The following TMEM59L variants were observed in gnomAD, a reference collection of about 807,000 sequenced individuals.
The protein encoded by TMEM59L is transmembrane protein 59 like, also known as transmembrane protein 59-like.
A neutral mutation model predicts 39.6 loss-of-function variants in TMEM59L; 31 were observed. That is an observed-to-expected ratio of 0.78 (90% CI 0.59 to 1.06). The LOEUF is 1.06. Among genes scored for constraint, TMEM59L ranks in the 50% least tolerant of loss-of-function variants. The pLI is 0.00. For missense variants in TMEM59L, 441 were observed against 451.3 expected, an observed-to-expected ratio of 0.98 and a Z score of 0.21; for synonymous variants, 219 against 202.9, an observed-to-expected ratio of 1.08 and a Z score of -0.68.
chr19:18,613,022 G>A lies in TMEM59L; in HGVS notation c.64G>A (p.Ala22Thr). 1.4e-6 allele frequency: 2 copies of A among 1,386,132 alleles called. No homozygotes were observed. Among genetic ancestry groups the A allele is most frequent in the Non-Finnish European group, 9.3e-7 (1 of 1,071,552 alleles). The allele number at this position is 1,386,132 out of a possible 1,614,324, so 85.9% of individuals were successfully genotyped here. A position where few individuals can be genotyped will look rare whatever the true frequency, so the allele number is the denominator to read the frequency against. Residue 22 changes from alanine to threonine, a missense_variant, in exon 1 of 8, where the codon GCC becomes ACC. Physicochemically the swap from Ala to Thr is moderately conservative, Grantham distance 58. Coordinates refer to ENST00000262817, the MANE Select transcript of TMEM59L (RefSeq NM_012109.3). ...LLLLLLASPP[A>T]ASAPSARDPF... ...GCTGCTGCTGTTGGCGTCGCCGCCCGCCGCCTCCGCGCCGTCCGCCCGCGA... is the reference window on the plus strand; with the variant it reads ...GCTGCTGCTGTTGGCGTCGCCGCCCACCGCCTCCGCGCCGTCCGCCCGCGA...
intron 7 of TMEM59L, among the ~76,000 whole-genome samples, chr19:18,619,183 G>A (rs1473142143): frequency 6.6e-6 from 1 of 150,560 alleles, no homozygotes; most frequent in South Asian, 2.1e-4. Context: ...GTAGAGATGG[G>A]GACTATGTTG....
At chr19:18,620,320 ACAAT>A (rs1976481330) in intron 7 of TMEM59L, 84 bp from the exon 8 acceptor site, 1 of 1,336,702 alleles carries the variant, frequency 7.5e-7, no homozygotes, top group East Asian at 2.4e-5. Context: ...AAAAAATAAA[ACAAT>A]CAGAGGTGGG....
chr19:18,620,694 T>A lies in TMEM59L; in HGVS notation c.*158T>A. 8.7e-7 allele frequency: 1 copy of A among 1,155,972 alleles called. No homozygotes were observed. Among genetic ancestry groups the A allele is most frequent in the Non-Finnish European group, 1.2e-6 (1 of 864,256 alleles). The allele number at this position is 1,155,972 out of a possible 1,614,324, so 71.6% of individuals were successfully genotyped here. ...TCCCACCCCTTGCCCCACGGAGTCC[T>A]GGGGACGCAGTGCCCCAGCTGGGAA... On this transcript the variant is annotated 3_prime_UTR_variant, in exon 8 of 8. Coordinates refer to ENST00000262817, the MANE Select transcript of TMEM59L (RefSeq NM_012109.3).
rs894172356 is a variant in TMEM59L at position 18,612,970 on chromosome 19, G to A, written c.12G>A (p.Val4=). 65 of 1,333,720 alleles carry A rather than the reference G, an allele frequency of 4.9e-5. No individual in the cohort carries two copies. In the African/African-American group the frequency reaches 9.2e-4, roughly 19 times the overall value. The allele number at this position is 1,333,720 out of a possible 1,614,324, so 82.6% of individuals were successfully genotyped here. MAA[V]ALMPPPLLLL... is the part of the protein sequence containing the mutation. ...CGTTCCGCCCGGCCATGGCTGCGGT[G>A]GCGCTGATGCCACCGCCGCTGCTGC... The change falls in exon 1 of 8, where the codon GTG becomes GTA. Residue 4 remains valine (V), a synonymous_variant. Coordinates refer to ENST00000262817, the MANE Select transcript of TMEM59L (RefSeq NM_012109.3). This position sits in a 1 kb window ranked among gnomAD's most constrained non-coding sequence, Gnocchi z 6.2.
In TMEM59L at chr19:18,618,266, T is replaced by C. The variant is rs769254521; in HGVS notation, c.776T>C (p.Met259Thr). ...CAGGACAATGACTTCCTCAGTTGCA[T>C]GTCCCGGTGGGTGGCAGGACCTTGG... ...EPQDNDFLSC[M>T]SRRSGLPRWI... The change falls in exon 6 of 8, where the codon ATG (methionine) becomes ACG (threonine). Residue 259 changes from methionine to threonine, a missense_variant. Met to Thr is a moderately conservative substitution (Grantham distance 81). Coordinates refer to ENST00000262817, the MANE Select transcript of TMEM59L (RefSeq NM_012109.3). 1 of 1,152,428 alleles carries C rather than the reference T, an allele frequency of 8.7e-7. No individual in the cohort carries two copies. Among genetic ancestry groups the C allele is most frequent in the Non-Finnish European group, 1.2e-6 (1 of 842,046 alleles). The allele number at this position is 1,152,428 out of a possible 1,614,324, so 71.4% of individuals were successfully genotyped here.
intron 7 of TMEM59L, among the ~76,000 whole-genome samples, chr19:18,619,489 G>A (rs988633938): frequency 3.3e-5 from 5 of 152,138 alleles, no homozygotes; most frequent in Admixed American, 3.3e-4. Flanking sequence ...GTGAAACCTT[G>A]TCACTACAAA....
At chr19:18,619,803 CAAAAAAA>C (rs1157288604) in intron 7 of TMEM59L, among the ~76,000 whole-genome samples, 3 of 78,986 alleles carry the variant, frequency 3.8e-5, no homozygotes, top group Admixed American at 1.5e-4. Context: ...GACTCCATCT[CAAAAAAA>C]AAAAAAAGAA....
chr19:18,615,258 C>T (rs1447026087), intron 3 of TMEM59L, among the ~76,000 whole-genome samples: 2 of 152,228 alleles, frequency 1.3e-5, no homozygotes, highest in African/African-American at 2.4e-5. Context: ...GCTGGGATTA[C>T]AGGCATGAGC....
At position 18,620,565 on chromosome 19, in the gene TMEM59L, G is replaced by A. The variant is rs919916386; in HGVS notation, c.*29G>A. 2 of 1,607,876 alleles carry A rather than the reference G, an allele frequency of 1.2e-6. No individual in the cohort carries two copies. Among genetic ancestry groups the A allele is most frequent in the African/African-American group, 1.3e-5 (1 of 74,934 alleles). Reference sequence around the variant, plus strand: ...TCCACTGGCCCCATCACTGCCAACTGCAGGGGGCCCCTCGGGCCTCACTTG... The same window carrying A: ...TCCACTGGCCCCATCACTGCCAACTACAGGGGGCCCCTCGGGCCTCACTTG... On this transcript the variant is annotated 3_prime_UTR_variant, in exon 8 of 8. Transcript: ENST00000262817.
chr19:18,616,232 G>C, intron 4 of TMEM59L, 105 bp downstream of exon 4: 1 of 1,399,742 alleles, frequency 7.1e-7, no homozygotes, highest in East Asian at 2.3e-5. Context: ...TCCACAGTGG[G>C]CGAGCTTCAG....
rs774328754 is a variant in TMEM59L, at chr19:18,616,165, T to A, written c.561+38T>A. ...ACAGGGGCCACGCCAGAGTGGCAGATGGGTGGGCAGGGTAAGAAGATGGGA... is the reference window on the plus strand; with the variant it reads ...ACAGGGGCCACGCCAGAGTGGCAGAAGGGTGGGCAGGGTAAGAAGATGGGA... On this transcript the variant is annotated intron_variant, in intron 4 of 7. Transcript: ENST00000262817. The A allele has an allele frequency of 4.3e-6, 7 of 1,610,888 alleles. No individual in the cohort carries two copies. In the South Asian group the frequency reaches 7.7e-5, roughly 18 times the overall value.
chr19:18,616,234 G>C, intron 4 of TMEM59L, 107 bp downstream of exon 4: 1 of 1,380,870 alleles, frequency 7.2e-7, no homozygotes, highest in Non-Finnish European at 1.0e-6. Flanking sequence ...CACAGTGGGC[G>C]AGCTTCAGGC....
chr19:18,613,627 T>TG (rs1053465803), intron 1 of TMEM59L, among the ~76,000 whole-genome samples: 1 of 151,998 alleles, frequency 6.6e-6, no homozygotes, highest in African/African-American at 2.4e-5. Context: ...TGGAACCTAG[T>TG]GGGGGGAAGG....
rs779330808 is a variant in TMEM59L, at chr19:18,620,587, C to T, written c.*51C>T. On this transcript the variant is annotated 3_prime_UTR_variant, in exon 8 of 8. Transcript: ENST00000262817. ...ACTGCAGGGGGCCCCTCGGGCCTCA[C>T]TTGCCCTGAGCCCAGGAGTCCAAGG... 11 of 1,593,468 alleles carry T rather than the reference C, an allele frequency of 6.9e-6. No homozygotes were observed. The Admixed American group carries it at 1.7e-4, about 25-fold the overall frequency.
In TMEM59L at chr19:18,618,218, C is replaced by A. The variant is rs201231250; in HGVS notation, c.728C>A (p.Ala243Asp). ...AKIRVKTSSK[A>D]KVESEEPQDN... ...ATCCGAGTCAAGACCAGCAGCAAGGCCAAGGTGGAGTCTGAAGAGCCACAG... is the reference window on the plus strand; with the variant it reads ...ATCCGAGTCAAGACCAGCAGCAAGGACAAGGTGGAGTCTGAAGAGCCACAG... The change falls in exon 6 of 8, where the codon GCC becomes GAC. Residue 243 changes from alanine (A) to aspartate (D), a missense_variant. Ala to Asp is a moderately radical substitution (Grantham distance 126). Transcript: ENST00000262817. 1 of 1,611,708 alleles carries A rather than the reference C, an allele frequency of 6.2e-7. No homozygotes were observed. The highest frequency in any genetic ancestry group is 1.1e-5 in the South Asian group (1 of 91,034).
chr19:18,618,671 G>GTA (rs1216910468), intron 7 of TMEM59L, among the ~76,000 whole-genome samples, 179 bp downstream of exon 7: 22 of 39,994 alleles, frequency 5.5e-4, no homozygotes, highest in African/African-American at 1.9e-3. Context: ...GTGTGTGTGT[G>GTA]TGTATATATA....
At chr19:18,618,315 A>T in intron 6 of TMEM59L, 43 bp downstream of exon 6, 1 of 1,586,696 alleles carries the variant, frequency 6.3e-7, no homozygotes, top group Non-Finnish European at 8.6e-7. Flanking sequence ...GTGGGACTGG[A>T]GGTACGGGTC....
In TMEM59L at chr19:18,620,588, T is replaced by G. The variant is rs772347997; in HGVS notation, c.*52T>G. ...CTGCAGGGGGCCCCTCGGGCCTCAC[T>G]TGCCCTGAGCCCAGGAGTCCAAGGG... On this transcript the variant is annotated 3_prime_UTR_variant, in exon 8 of 8. Coordinates refer to ENST00000262817, the MANE Select transcript of TMEM59L (RefSeq NM_012109.3). 10 of 1,592,588 alleles carry G rather than the reference T, an allele frequency of 6.3e-6. No individual in the cohort carries two copies. In the Middle Eastern group the frequency reaches 8.7e-4, roughly 138 times the overall value.
In TMEM59L at chr19:18,613,920, A is replaced by T; in HGVS notation, c.220A>T (p.Ile74Phe). Reference protein sequence around the residue: ...SESPYDRAVLISACERGCRLF... With the variant: ...SESPYDRAVLFSACERGCRLF... Reference sequence around the variant, plus strand: ...GTCTCCCTATGACAGAGCCGTTCTGATCAGCGCTTGCGAGCGTGGCTGCCG... The same window carrying T: ...GTCTCCCTATGACAGAGCCGTTCTGTTCAGCGCTTGCGAGCGTGGCTGCCG... Residue 74 changes from isoleucine to phenylalanine, a missense_variant, in exon 2 of 8, where the codon ATC (isoleucine) becomes TTC (phenylalanine). Coordinates refer to ENST00000262817, the MANE Select transcript of TMEM59L (RefSeq NM_012109.3). The T allele has an allele frequency of 6.2e-7, 1 of 1,612,530 alleles. No individual in the cohort carries two copies. Among genetic ancestry groups the T allele is most frequent in the South Asian group, 1.1e-5 (1 of 91,062 alleles).
Sources: gnomAD v4.1 joint callset for allele counts (sites outside exome capture counted in the v4.1 genomes callset) on GRCh38, gnomAD v4.1.1 for gene constraint, Gnocchi (gnomAD v3.1) non-coding constraint, MANE v1.5 for transcripts, NCBI Gene and HGNC (gene_info 2026-07-23, HGNC 2026-07-21) for gene names.